TOR1A: variants seen among roughly 807,000 people sequenced by gnomAD.
TOR1A encodes the protein torsin family 1 member A, also known as torsin-1A.
TOR1A carries 18 observed loss-of-function variants against 31.4 expected under a neutral mutation model. The ratio of observed to expected loss-of-function variants is 0.57; its 90% CI spans 0.40 to 0.85. The LOEUF (loss-of-function observed/expected upper bound fraction) is 0.85. Among genes scored for constraint, TOR1A ranks in the 40% least tolerant of loss-of-function variants. The pLI is 0.00. For synonymous variants in TOR1A, 168 were observed against 165.9 expected, an observed-to-expected ratio of 1.01 and a Z score of -0.10; for missense variants, 375 against 416.4, an observed-to-expected ratio of 0.90 and a Z score of 0.87.
At chr9:129,817,708 A>T (rs2031074468) in intron 4 of TOR1A, among the ~76,000 whole-genome samples, 1 of 150,616 alleles carries the variant, frequency 6.6e-6, no homozygotes, top group Non-Finnish European at 1.5e-5. Flanking sequence ...CAAAAAAAAA[A>T]AAAAAACAGC....
chr9:129,823,570 G>A (rs1375951740), intron 1 of TOR1A: 3 of 250,892 alleles, frequency 1.2e-5, no homozygotes, highest in East Asian at 2.4e-4. Flanking sequence ...TCCTAGCCCG[G>A]CCCTACTGCC....
intron 4 of TOR1A, among the ~76,000 whole-genome samples, chr9:129,818,045 G>A (rs1445018880): frequency 1.3e-5 from 2 of 151,786 alleles, no homozygotes; most frequent in East Asian, 2.0e-4. Context: ...AGTGGCTCAC[G>A]CCTGTAATCC....
At chr9:129,818,693 C>A in intron 3 of TOR1A, 46 bp from the exon 4 acceptor site, 1 of 1,614,088 alleles carries the variant, frequency 6.2e-7, no homozygotes, top group African/African-American at 1.3e-5. Flanking sequence ...TCTCCTGGAG[C>A]TCAGAGGCTT....
rs1366310359 is a variant in TOR1A, at chr9:129,820,264, G to T, written c.445-1344C>A. Among the ~76,000 whole-genome samples, 3 of 152,052 alleles carry T rather than the reference G, an allele frequency of 2.0e-5. No homozygotes were observed. The East Asian group carries it at 5.8e-4, about 29-fold the overall frequency. On this transcript the variant is annotated intron_variant, in intron 2 of 4. Coordinates refer to ENST00000351698, the MANE Select transcript of TOR1A (RefSeq NM_000113.3). ...AGCCCCCTGAGTAGCTGAGACTACA[G>T]GCACCTGCCACCACGCCCAGCTAAT...
chr9:129,816,335 C>T (rs918907702), intron 4 of TOR1A, among the ~76,000 whole-genome samples: 2 of 152,140 alleles, frequency 1.3e-5, no homozygotes, highest in African/African-American at 4.8e-5. Context: ...ACCCCAAAGC[C>T]TTTCTTGATT....
chr9:129,816,405 GAT>G (rs2031040715), intron 4 of TOR1A, among the ~76,000 whole-genome samples: 1 of 152,110 alleles, frequency 6.6e-6, no homozygotes, highest in South Asian at 2.1e-4. Flanking sequence ...GTACATGTGC[GAT>G]GTGTGCATAT....
intron 1 of TOR1A, among the ~76,000 whole-genome samples, 163 bp from the exon 2 acceptor site, chr9:129,823,009 C>CG (rs2031224923): frequency 6.6e-6 from 1 of 152,180 alleles, no homozygotes; most frequent in African/African-American, 2.4e-5. Context: ...GAGGGGACGG[C>CG]GGTCCAGGGA....
rs1755003670 is a variant in TOR1A at position 129,824,102 on chromosome 9, C to T, written c.-17G>A. On this transcript the variant is annotated 5_prime_UTR_variant, in exon 1 of 5. It adds an upstream start codon to the 5' untranslated region. Transcript: ENST00000351698. ...CAGCTTCATGCCCGGACCCGCGCCA[C>T]CCTGCTTGTTCTCGCGCCGACCGCG... 1 of 1,557,236 alleles carries T rather than the reference C, an allele frequency of 6.4e-7. No individual in the cohort carries two copies.
chr9:129,818,099 A>G (rs1286237203), intron 4 of TOR1A, among the ~76,000 whole-genome samples: 1 of 152,114 alleles, frequency 6.6e-6, no homozygotes, highest in African/African-American at 2.4e-5. Flanking sequence ...CTGAGGTAAG[A>G]GTTCAAGACC....
intron 4 of TOR1A, among the ~76,000 whole-genome samples, chr9:129,818,110 A>G (rs983387273): frequency 4.4e-4 from 67 of 152,308 alleles, no homozygotes; most frequent in African/African-American, 1.5e-3. Context: ...GTTCAAGACC[A>G]GCCTGGCCAA....
At chr9:129,820,924 G>T (rs901009781) in intron 2 of TOR1A, among the ~76,000 whole-genome samples, 1 of 152,154 alleles carries the variant, frequency 6.6e-6, no homozygotes, top group African/African-American at 2.4e-5. Context: ...GTACAGAACC[G>T]CTGGACAGTG....
chr9:129,821,897 GAA>G (rs36012219), intron 2 of TOR1A: 40 of 135,390 alleles, frequency 3.0e-4, no homozygotes, highest in South Asian at 1.4e-3. Context: ...CTGACTCAAA[GAA>G]AAAAAAAAAA....
intron 2 of TOR1A, chr9:129,822,331 C>T: frequency 1.9e-6 from 1 of 538,248 alleles, no homozygotes; most frequent in East Asian, 3.5e-5. Flanking sequence ...TTGATCATGT[C>T]CACCTCTAAA....
chr9:129,819,972 A>ATAAAT (rs1394692900), intron 2 of TOR1A, among the ~76,000 whole-genome samples: 1 of 150,410 alleles, frequency 6.6e-6, no homozygotes, highest in East Asian at 1.9e-4. Context: ...ATAAAATAAA[A>ATAAAT]TAAAATAAAT....
At chr9:129,819,208 C>CG (rs1301360131) in intron 2 of TOR1A, among the ~76,000 whole-genome samples, 1 of 152,152 alleles carries the variant, frequency 6.6e-6, no homozygotes, top group Non-Finnish European at 1.5e-5. Flanking sequence ...CTCCAAAGCC[C>CG]GATACTTTGG....
chr9:129,816,490 T>C (rs2031042697), intron 4 of TOR1A, among the ~76,000 whole-genome samples: 1 of 152,232 alleles, frequency 6.6e-6, no homozygotes, highest in Non-Finnish European at 1.5e-5. Context: ...TACATTTTCT[T>C]TCTTTATTAT....
At chr9:129,823,392 C>T (rs2031236815) in intron 1 of TOR1A, 2 of 273,328 alleles carry the variant, frequency 7.3e-6, no homozygotes, top group Non-Finnish European at 1.4e-5. Context: ...TGCAGGCCGG[C>T]CGCTTGGCTT....
intron 2 of TOR1A, among the ~76,000 whole-genome samples, chr9:129,820,222 A>G (rs1319441387): frequency 1.3e-5 from 2 of 152,084 alleles, no homozygotes; most frequent in Non-Finnish European, 2.9e-5. Flanking sequence ...CCCAGATTCA[A>G]GCGATTCCCT....
At chr9:129,814,923 G>A (rs2131002021) in intron 4 of TOR1A, among the ~76,000 whole-genome samples, 1 of 152,306 alleles carries the variant, frequency 6.6e-6, no homozygotes, top group South Asian at 2.1e-4. Flanking sequence ...AGCCTGGAGA[G>A]TGCAGATGTG....
Sources: allele counts gnomAD v4.1 joint callset (sites outside exome capture counted in the v4.1 genomes callset), GRCh38; gene constraint gnomAD v4.1.1; transcripts MANE v1.5; gene names NCBI Gene and HGNC (gene_info 2026-07-23, HGNC 2026-07-21).